CEP63: variants seen among roughly 807,000 people sequenced by gnomAD.
CEP63 encodes centrosomal protein of 63 kDa.
In CEP63, 84 loss-of-function variants were observed where a neutral mutation model predicts 89.1. The ratio of observed to expected loss-of-function variants is 0.94; its 90% CI spans 0.79 to 1.13. CEP63 has a LOEUF of 1.13. CEP63 is among the 50% of genes most tolerant of loss of function. CEP63 has a pLI of 0.00. For missense variants in CEP63, 838 were observed against 813.3 expected (o/e 1.03, Z -0.37); for synonymous variants, 267 against 272.5 (o/e 0.98, Z 0.20).
chr3:134,512,192 G>T (rs371786439), intron 3 of CEP63, among the ~76,000 whole-genome samples: 14 of 152,180 alleles, frequency 9.2e-5, no homozygotes, highest in Non-Finnish European at 1.9e-4. Context: ...CTCTGCCTCA[G>T]GCTTCTTGTG....
chr3:134,549,624 C>G (rs1954361573), intron 10 of CEP63, among the ~76,000 whole-genome samples: 1 of 152,170 alleles, frequency 6.6e-6, no homozygotes, highest in Non-Finnish European at 1.5e-5. Context: ...TGGGCCCTAA[C>G]TGTCCTATTT....
chr3:134,557,997 T>G, intron 12 of CEP63, 145 bp from the exon 13 acceptor site: 1 of 695,790 alleles, frequency 1.4e-6, no homozygotes, highest in Non-Finnish European at 2.6e-6. Context: ...TCTCTGTTAG[T>G]CTTAGGAGGC....
the CEP63 span, among the ~76,000 whole-genome samples, chr3:134,730,024 G>A: frequency 2.6e-3 from 394 of 152,256 alleles, 2 homozygotes; most frequent in African/African-American, 8.9e-3. Context: ...CCCTTCTCAG[G>A]CACATTCAGC....
At chr3:134,651,062 G>C in the CEP63 span, 4 of 1,541,578 alleles carry the variant, frequency 2.6e-6, no homozygotes, top group Non-Finnish European at 3.5e-6. Flanking sequence ...GAGAGGGCGA[G>C]GGCGCGGAAG....
At chr3:134,772,389 C>T in the CEP63 span, among the ~76,000 whole-genome samples, 1 of 152,172 alleles carries the variant, frequency 6.6e-6, no homozygotes, top group Non-Finnish European at 1.5e-5. Context: ...ACTATAATGG[C>T]TGCGAGGGAG....
At chr3:134,587,389 C>G (rs895081524) in intron 10 of CEP63, among the ~76,000 whole-genome samples, 2 of 152,214 alleles carry the variant, frequency 1.3e-5, no homozygotes, top group East Asian at 3.9e-4. Flanking sequence ...GTGTGGATGT[C>G]CTTTTTGTTG....
chr3:134,694,347 G>A, the CEP63 span, among the ~76,000 whole-genome samples: 1 of 152,344 alleles, frequency 6.6e-6, no homozygotes, highest in South Asian at 2.1e-4. Flanking sequence ...TCTGGCTGCA[G>A]AAGATGCCTA....
At chr3:134,722,766 T>C in the CEP63 span, among the ~76,000 whole-genome samples, 1 of 152,200 alleles carries the variant, frequency 6.6e-6, no homozygotes, top group East Asian at 1.9e-4. Context: ...CTGGTGGTTT[T>C]AGGCCCATAT....
intron 10 of CEP63, among the ~76,000 whole-genome samples, chr3:134,580,835 A>G (rs1488336316): frequency 6.6e-6 from 1 of 152,240 alleles, no homozygotes; most frequent in East Asian, 1.9e-4. Context: ...GCAACCTGTA[A>G]TTATCTTGCA....
chr3:134,569,499 A>G (rs780414167), downstream of CEP63, among the ~76,000 whole-genome samples: 1 of 152,238 alleles, frequency 6.6e-6, no homozygotes, highest in Non-Finnish European at 1.5e-5. Flanking sequence ...TAAAGCTCCA[A>G]AATGATCTCT....
At chr3:134,490,354 C>G (rs372636950) in intron 1 of CEP63, among the ~76,000 whole-genome samples, 46 of 151,972 alleles carry the variant, frequency 3.0e-4, no homozygotes, top group African/African-American at 1.0e-3. Context: ...TTTCCTCATC[C>G]TATGTTATAT....
At chr3:134,778,394 G>A in the CEP63 span, among the ~76,000 whole-genome samples, 2 of 151,360 alleles carry the variant, frequency 1.3e-5, no homozygotes, top group African/African-American at 4.9e-5. Flanking sequence ...ACCACACCTG[G>A]CCCACATCAC....
At chr3:134,650,101 C>T in the CEP63 span, among the ~76,000 whole-genome samples, 2 of 152,154 alleles carry the variant, frequency 1.3e-5, no homozygotes, top group Admixed American at 6.5e-5. Flanking sequence ...TGTGTTCTGT[C>T]GTCTGGAGAA....
chr3:134,486,235 G>T, intron 1 of CEP63, 33 bp downstream of exon 1: 1 of 985,452 alleles, frequency 1.0e-6, no homozygotes. Context: ...GCGTGCTTGC[G>T]GCAACCCTGT....
At chr3:134,608,651 G>C in the CEP63 span, 3 of 1,614,028 alleles carry the variant, frequency 1.9e-6, no homozygotes, top group Non-Finnish European at 2.5e-6. Flanking sequence ...GGGCTCACCT[G>C]TTCTGATCAT....
chr3:134,560,444 C>G, intron 14 of CEP63, among the ~76,000 whole-genome samples: 1 of 152,208 alleles, frequency 6.6e-6, no homozygotes, highest in South Asian at 2.1e-4. Flanking sequence ...GACCGACTTG[C>G]ACAATCCCAG....
At chr3:134,640,076 C>T in the CEP63 span, 6 of 152,502 alleles carry the variant, frequency 3.9e-5, no homozygotes, top group Non-Finnish European at 5.9e-5. Flanking sequence ...AGCCCCTTCC[C>T]ATGACCCAAG....
chr3:134,742,913 G>A, the CEP63 span, among the ~76,000 whole-genome samples: 2 of 152,234 alleles, frequency 1.3e-5, no homozygotes, highest in African/African-American at 4.8e-5. Context: ...TACCCAGTCT[G>A]TGGTATTCTG....
the CEP63 span, among the ~76,000 whole-genome samples, chr3:134,658,805 G>C: frequency 6.6e-6 from 1 of 152,204 alleles, no homozygotes; most frequent in Non-Finnish European, 1.5e-5. Flanking sequence ...AGACAGCGCT[G>C]CTCAGTCCCA....
Sources: allele counts gnomAD v4.1 joint callset (sites outside exome capture counted in the v4.1 genomes callset), GRCh38; gene constraint gnomAD v4.1.1; transcripts MANE v1.5; gene names NCBI Gene and HGNC (gene_info 2026-07-23, HGNC 2026-07-21).